Variants in PRKG1 observed in about 807,000 individuals in gnomAD.
PRKG1 encodes cGMP-dependent protein kinase 1.
PRKG1 carries 35 observed loss-of-function variants against 88.1 expected under a neutral mutation model. The observed-to-expected ratio is 0.40, with a 90% CI of 0.30 to 0.53. PRKG1 has a LOEUF of 0.53. Among genes scored for constraint, PRKG1 ranks in the 20% least tolerant of loss-of-function variants. The pLI is 0.59. For synonymous variants in PRKG1, 303 were observed against 292.5 expected (o/e 1.04, Z -0.37); for missense variants, 540 against 839.8 (o/e 0.64, Z 4.41).
chr10:51,002,843 A>G (rs906748462), intron 1 of PRKG1, among the ~76,000 whole-genome samples: 3 of 152,152 alleles, frequency 2.0e-5, no homozygotes, highest in South Asian at 4.1e-4. Flanking sequence ...GATTAATGCT[A>G]TTCCTTGGCC....
chr10:51,216,629 GTCA>G (rs1454203347), intron 2 of PRKG1, among the ~76,000 whole-genome samples: 1 of 152,100 alleles, frequency 6.6e-6, no homozygotes, highest in African/African-American at 2.4e-5. Context: ...AATAAATGCT[GTCA>G]TCATCATTTT....
intron 5 of PRKG1, among the ~76,000 whole-genome samples, chr10:51,998,473 T>G (rs959245489): frequency 1.3e-5 from 2 of 152,210 alleles, no homozygotes; most frequent in Non-Finnish European, 2.9e-5. Flanking sequence ...ATTACTTTTT[T>G]GACAGATCAT....
At chr10:51,273,166 T>C (rs538250472) in intron 2 of PRKG1, among the ~76,000 whole-genome samples, 1 of 152,234 alleles carries the variant, frequency 6.6e-6, no homozygotes, top group South Asian at 2.1e-4. Context: ...TTGCATGAAA[T>C]CCCTGCTATC....
intron 4 of PRKG1, among the ~76,000 whole-genome samples, chr10:51,884,739 T>G (rs1424833370): frequency 6.6e-6 from 1 of 152,158 alleles, no homozygotes; most frequent in East Asian, 1.9e-4. Flanking sequence ...GAGATTCTTT[T>G]CAGCTTGGTG....
At chr10:51,321,185 C>A (rs992960776) in intron 2 of PRKG1, among the ~76,000 whole-genome samples, 1 of 152,108 alleles carries the variant, frequency 6.6e-6, no homozygotes, top group Non-Finnish European at 1.5e-5. Context: ...GTCTTTGAAG[C>A]CAAACTGACC....
intron 1 of PRKG1, among the ~76,000 whole-genome samples, chr10:51,018,184 T>C (rs544608542): frequency 6.6e-6 from 1 of 152,306 alleles, no homozygotes; most frequent in East Asian, 1.9e-4. Flanking sequence ...AGATACCTTT[T>C]CCAAATGAAG....
At chr10:51,156,834 A>G (rs1233068082) in intron 2 of PRKG1, among the ~76,000 whole-genome samples, 2 of 151,972 alleles carry the variant, frequency 1.3e-5, no homozygotes, top group Non-Finnish European at 2.9e-5. Flanking sequence ...CTTGCTATAG[A>G]TGGATTCTTT....
chr10:51,056,268 A>G (rs1464173589), intron 1 of PRKG1, among the ~76,000 whole-genome samples: 1 of 152,186 alleles, frequency 6.6e-6, no homozygotes, highest in African/African-American at 2.4e-5. Flanking sequence ...CAGGGAAGGC[A>G]CCTTCAGGAA....
At chr10:52,006,036 T>C (rs186038307) in intron 5 of PRKG1, among the ~76,000 whole-genome samples, 60 of 151,230 alleles carry the variant, frequency 4.0e-4, no homozygotes, top group African/African-American at 1.4e-3. Context: ...GAACCCACCT[T>C]ATACCATAAT....
chr10:51,919,773 C>G (rs968129500), intron 5 of PRKG1, among the ~76,000 whole-genome samples: 1 of 152,018 alleles, frequency 6.6e-6, no homozygotes, highest in African/African-American at 2.4e-5. Flanking sequence ...AAGCTGCATG[C>G]TTGATCCTAT....
chr10:52,059,412 CAAAT>C (rs2133263287), intron 6 of PRKG1, among the ~76,000 whole-genome samples: 1 of 131,502 alleles, frequency 7.6e-6, no homozygotes, highest in African/African-American at 2.8e-5. Context: ...TAGAAATAAA[CAAAT>C]TGTGTCATAT....
Position 51,503,332 on chromosome 10 carries a change from C to T in PRKG1, c.592+35496C>T, listed in dbSNP as rs187279634. Reference sequence around the variant, plus strand: ...TATAAATTAAAGACAAAATACCTCCCCTGTAGCCCACATATCTGTAAGAGT... The same window carrying T: ...TATAAATTAAAGACAAAATACCTCCTCTGTAGCCCACATATCTGTAAGAGT... On this transcript the variant is annotated intron_variant, in intron 3 of 17. Transcript: ENST00000373980. Among the ~76,000 whole-genome samples, 7 of 152,176 alleles carry T rather than the reference C, an allele frequency of 4.6e-5. No homozygotes were observed. The East Asian group carries it at 1.2e-3, about 25-fold the overall frequency.
chr10:51,865,413 C>T (rs1475111893), intron 4 of PRKG1, among the ~76,000 whole-genome samples: 2 of 149,776 alleles, frequency 1.3e-5, no homozygotes, highest in African/African-American at 5.0e-5. Flanking sequence ...ATTTTTCTTT[C>T]TATGCGTACT....
chr10:52,169,866 G>A (rs1838612964), intron 9 of PRKG1, among the ~76,000 whole-genome samples: 1 of 152,190 alleles, frequency 6.6e-6, no homozygotes, highest in African/African-American at 2.4e-5. Flanking sequence ...ATCTAGTAGA[G>A]AAGAGAGTTT....
chr10:52,271,014 T>A (rs1471107582), intron 10 of PRKG1, among the ~76,000 whole-genome samples: 1 of 152,138 alleles, frequency 6.6e-6, no homozygotes. Context: ...TTTTTTCTAC[T>A]CTTTTGACAG....
intron 3 of PRKG1, among the ~76,000 whole-genome samples, chr10:51,665,018 C>G (rs1357036475): frequency 6.6e-6 from 1 of 152,038 alleles, no homozygotes; most frequent in Non-Finnish European, 1.5e-5. Context: ...ATCTCATCAG[C>G]CACTTTATTC....
chr10:52,169,489 G>C (rs909110040), intron 9 of PRKG1, among the ~76,000 whole-genome samples: 5 of 152,046 alleles, frequency 3.3e-5, no homozygotes, highest in African/African-American at 1.2e-4. Context: ...ACCTCCCAAA[G>C]GCTCTTCCTC....
chr10:51,503,666 C>T lies in PRKG1; in HGVS notation c.592+35830C>T, dbSNP rs76501999. 7.1e-3 allele frequency among the ~76,000 whole-genome samples: 1,075 copies of T among 152,228 alleles called. 16 individuals are homozygous for T. The highest frequency in any genetic ancestry group is 0.025 in the African/African-American group (1,022 of 41,552). On this transcript the variant is annotated intron_variant, in intron 3 of 17. Transcript: ENST00000373980. ...TATGCACCTGGCTTATCAGCTGAGACGTCAATCAGTCCTCTAATTCTTTAA... is the reference window on the plus strand; with the variant it reads ...TATGCACCTGGCTTATCAGCTGAGATGTCAATCAGTCCTCTAATTCTTTAA...
chr10:52,176,729 C>G (rs917763629), intron 9 of PRKG1, among the ~76,000 whole-genome samples: 5 of 152,002 alleles, frequency 3.3e-5, no homozygotes, highest in Non-Finnish European at 7.4e-5. Context: ...GGACTTTCAC[C>G]TCCTTTGTTG....
Sources: gnomAD v4.1 joint callset for allele counts (sites outside exome capture counted in the v4.1 genomes callset) on GRCh38, gnomAD v4.1.1 for gene constraint, MANE v1.5 for transcripts, NCBI Gene and HGNC (gene_info 2026-07-23, HGNC 2026-07-21) for gene names.